The following RNLS variants were observed in gnomAD, a reference collection of about 807,000 sequenced individuals.
The protein encoded by RNLS is renalase.
RNLS carries 39 observed loss-of-function variants against 39.8 expected under a neutral mutation model. The observed-to-expected ratio is 0.98, with a 90% CI of 0.76 to 1.28. RNLS has a LOEUF of 1.28. Among genes scored for constraint, RNLS ranks in the 50% most tolerant of loss-of-function variants. RNLS has a pLI of 0.00. For missense variants in RNLS, 410 were observed against 413.3 expected (o/e 0.99, Z 0.07); for synonymous variants, 147 against 150.7 (o/e 0.98, Z 0.18).
chr10:88,204,793 C>T, the RNLS span, among the ~76,000 whole-genome samples: 1 of 152,112 alleles, frequency 6.6e-6, no homozygotes, highest in Non-Finnish European at 1.5e-5. Flanking sequence ...ACTTATTTTT[C>T]CCTTCCCTTT....
the RNLS span, among the ~76,000 whole-genome samples, chr10:88,234,619 C>T: frequency 6.6e-6 from 1 of 152,150 alleles, no homozygotes; most frequent in Non-Finnish European, 1.5e-5. Context: ...CAACTCAACA[C>T]ATTTTTATTG....
At chr10:88,364,556 A>T (rs75981150) in intron 4 of RNLS, among the ~76,000 whole-genome samples, 2 of 152,132 alleles carry the variant, frequency 1.3e-5, no homozygotes, top group African/African-American at 4.8e-5. Flanking sequence ...AGAGTTACAC[A>T]TATATTCTTA....
At chr10:88,364,674 C>T (rs1322963078) in intron 4 of RNLS, among the ~76,000 whole-genome samples, 2 of 152,224 alleles carry the variant, frequency 1.3e-5, no homozygotes, top group East Asian at 3.9e-4. Context: ...TAAATAAAAG[C>T]CATATTTCCC....
In RNLS at chr10:88,369,150, T is replaced by A. The variant is rs1396831666; in HGVS notation, c.527-6425A>T. ...ATTGTATATTATAAAATTTTTCCTG[T>A]TTACTTTTTAGTATTGCATATATTA... On this transcript the variant is annotated intron_variant, in intron 4 of 6. Transcript: ENST00000331772. Among the ~76,000 whole-genome samples the A allele has an allele frequency of 3.3e-5, 5 of 152,294 alleles. No individual in the cohort carries two copies. In the East Asian group the frequency reaches 5.8e-4, roughly 18 times the overall value.
At chr10:88,445,760 C>T (rs1232576053) in intron 4 of RNLS, among the ~76,000 whole-genome samples, 2 of 152,168 alleles carry the variant, frequency 1.3e-5, no homozygotes, top group Non-Finnish European at 2.9e-5. Context: ...ACAGGAAGAG[C>T]TAACTATCCT....
At chr10:88,303,851 A>G (rs904906773) in intron 6 of RNLS, among the ~76,000 whole-genome samples, 1 of 152,180 alleles carries the variant, frequency 6.6e-6, no homozygotes, top group African/African-American at 2.4e-5. Flanking sequence ...CCCCCAGGCC[A>G]AGACCACTTC....
intron 4 of RNLS, among the ~76,000 whole-genome samples, chr10:88,571,683 T>C (rs1211281466): frequency 6.6e-6 from 1 of 152,232 alleles, no homozygotes; most frequent in Non-Finnish European, 1.5e-5. Flanking sequence ...AATACCTTTA[T>C]TCCCTTTTTG....
intron 4 of RNLS, among the ~76,000 whole-genome samples, chr10:88,460,069 G>A (rs1412437989): frequency 2.6e-5 from 4 of 152,038 alleles, no homozygotes; most frequent in East Asian, 1.9e-4. Flanking sequence ...TTTAATCCTC[G>A]TGAGATCCTT....
chr10:88,533,942 G>A (rs1457169023), intron 4 of RNLS, among the ~76,000 whole-genome samples: 1 of 152,090 alleles, frequency 6.6e-6, no homozygotes, highest in Non-Finnish European at 1.5e-5. Flanking sequence ...CAACGAAAAC[G>A]AAGGTCCAAG....
chr10:88,309,505 T>C (rs986842108), intron 6 of RNLS: 18 of 1,247,806 alleles, frequency 1.4e-5, no homozygotes, highest in Non-Finnish European at 1.8e-5. Flanking sequence ...CCTTCAGCCA[T>C]TGCACATTTC....
At chr10:88,215,508 T>C in the RNLS span, among the ~76,000 whole-genome samples, 1 of 152,250 alleles carries the variant, frequency 6.6e-6, no homozygotes, top group African/African-American at 2.4e-5. Flanking sequence ...GGGAAGTCCT[T>C]TTCCCTAGCT....
At chr10:88,266,541 G>T in the RNLS span, among the ~76,000 whole-genome samples, 1 of 152,100 alleles carries the variant, frequency 6.6e-6, no homozygotes, top group Non-Finnish European at 1.5e-5. Context: ...GCTTTGTAAA[G>T]TGTAGAATTA....
intron 5 of RNLS, among the ~76,000 whole-genome samples, chr10:88,347,390 T>C (rs1848381236): frequency 6.6e-6 from 1 of 152,158 alleles, no homozygotes; most frequent in Non-Finnish European, 1.5e-5. Context: ...GCAGGTATTA[T>C]GGAAACAGCA....
At chr10:88,182,782 T>C in the RNLS span, among the ~76,000 whole-genome samples, 1 of 152,084 alleles carries the variant, frequency 6.6e-6, no homozygotes, top group Non-Finnish European at 1.5e-5. Context: ...AGTAATTTCA[T>C]CAACAGTGAA....
At chr10:88,578,877 T>C (rs1190689476) in intron 3 of RNLS, among the ~76,000 whole-genome samples, 1 of 152,210 alleles carries the variant, frequency 6.6e-6, no homozygotes, top group East Asian at 1.9e-4. Flanking sequence ...ACATTGGTTC[T>C]TGTATCATTA....
At chr10:88,508,993 G>A (rs1187103677) in intron 4 of RNLS, among the ~76,000 whole-genome samples, 1 of 151,124 alleles carries the variant, frequency 6.6e-6, no homozygotes, top group Admixed American at 6.6e-5. Flanking sequence ...TCTTTGGCAA[G>A]ACATTCACTT....
At chr10:88,215,096 T>A in the RNLS span, among the ~76,000 whole-genome samples, 1 of 151,978 alleles carries the variant, frequency 6.6e-6, no homozygotes, top group East Asian at 1.9e-4. Context: ...ACAGCACACA[T>A]ATGAATTTTA....
At chr10:88,533,893 G>A (rs973440375) in intron 4 of RNLS, among the ~76,000 whole-genome samples, 10 of 152,190 alleles carry the variant, frequency 6.6e-5, no homozygotes, top group East Asian at 3.9e-4. Flanking sequence ...TCTTCAGCAC[G>A]GAAAGCCTTG....
chr10:88,327,338 T>C (rs1326742465), intron 5 of RNLS, among the ~76,000 whole-genome samples: 4 of 152,214 alleles, frequency 2.6e-5, no homozygotes, highest in Non-Finnish European at 5.9e-5. Context: ...GAGAGACTGA[T>C]GTGAGGTGAT....
Sources: gnomAD v4.1 joint callset for allele counts (sites outside exome capture counted in the v4.1 genomes callset) on GRCh38, gnomAD v4.1.1 for gene constraint, MANE v1.5 for transcripts, NCBI Gene and HGNC (gene_info 2026-07-23, HGNC 2026-07-21) for gene names.